Variants in VPS13B observed in about 807,000 individuals in gnomAD.
The protein encoded by VPS13B is intermembrane lipid transfer protein VPS13B.
VPS13B carries 285 observed loss-of-function variants against 426.4 expected under a neutral mutation model. The observed-to-expected ratio is 0.67, with a 90% CI of 0.61 to 0.74. The LOEUF (loss-of-function observed/expected upper bound fraction) is 0.74. Among genes scored for constraint, VPS13B ranks in the 30% least tolerant of loss-of-function variants. The pLI is 0.00. For synonymous variants in VPS13B, 1,676 were observed against 1,676.4 expected (o/e 1.00, Z 0.01); for missense variants, 4,537 against 4,782.6 (o/e 0.95, Z 1.51).
chr8:99,328,719 G>A (rs1308900792), intron 19 of VPS13B, among the ~76,000 whole-genome samples: 4 of 152,086 alleles, frequency 2.6e-5, no homozygotes, highest in South Asian at 2.1e-4. Context: ...AAATAAAGAA[G>A]CAGTTAATTT....
At chr8:99,870,231 C>T (rs979540290) in intron 59 of VPS13B, among the ~76,000 whole-genome samples, 7 of 152,122 alleles carry the variant, frequency 4.6e-5, no homozygotes, top group African/African-American at 1.7e-4. Context: ...TTCAGTGACA[C>T]AATCATAGCT....
chr8:99,069,624 G>A (rs1844751294), intron 3 of VPS13B, among the ~76,000 whole-genome samples: 1 of 152,098 alleles, frequency 6.6e-6, no homozygotes, highest in African/African-American at 2.4e-5. Flanking sequence ...TTTCACAGTA[G>A]GTTGATCTGA....
chr8:99,505,732 A>G (rs1821463897), intron 27 of VPS13B, among the ~76,000 whole-genome samples: 3 of 152,304 alleles, frequency 2.0e-5, no homozygotes, highest in Non-Finnish European at 2.9e-5. Context: ...ATATTGTTGG[A>G]AAAAACGCTG....
At chr8:99,735,606 T>C (rs1031439568) in intron 39 of VPS13B, among the ~76,000 whole-genome samples, 2 of 152,140 alleles carry the variant, frequency 1.3e-5, no homozygotes, top group Non-Finnish European at 2.9e-5. Context: ...GACACCTCAG[T>C]TTCAGACTTC....
intron 33 of VPS13B, among the ~76,000 whole-genome samples, chr8:99,620,640 C>T (rs1472804353): frequency 6.6e-6 from 1 of 151,980 alleles, no homozygotes; most frequent in Non-Finnish European, 1.5e-5. Flanking sequence ...GATCAGAAGA[C>T]ACCCCTCTCA....
In VPS13B at chr8:99,717,187, A is replaced by G. The variant is rs775127201; in HGVS notation, c.6471A>G (p.Ser2157=). ...TTTTTTCAGGCATAATTCTTGGGTC[A>G]TCATTTCTACTCAGTATAAACGATT... is the stretch of plus-strand genomic sequence containing the variant. The part of the protein sequence containing the change: ...TQKVPGIILG[S]SFLLSINDFL... Residue 2157 remains serine, a synonymous_variant, in exon 37 of 62, where the codon TCA becomes TCG. Coordinates refer to ENST00000357162, the MANE Select transcript of VPS13B (RefSeq NM_152564.5). 6.2e-7 allele frequency: 1 copy of G among 1,613,604 alleles called. No individual in the cohort carries two copies. The highest frequency in any genetic ancestry group is 8.5e-7 in the Non-Finnish European group (1 of 1,179,790).
chr8:99,471,015 G>C (rs1819374428), intron 24 of VPS13B, among the ~76,000 whole-genome samples: 1 of 152,046 alleles, frequency 6.6e-6, no homozygotes, highest in African/African-American at 2.4e-5. Context: ...CAATATTTTG[G>C]AAGTGCTAAC....
chr8:99,797,692 T>C (rs1332842555), intron 43 of VPS13B, among the ~76,000 whole-genome samples: 1 of 152,132 alleles, frequency 6.6e-6, no homozygotes, highest in African/African-American at 2.4e-5. Context: ...AATAGGAACA[T>C]GCTACAGGAG....
chr8:99,421,685 G>GTAT (rs1453559061), intron 21 of VPS13B, among the ~76,000 whole-genome samples: 1 of 151,854 alleles, frequency 6.6e-6, no homozygotes. Context: ...GCTAAACAGG[G>GTAT]TATTATTATT....
intron 35 of VPS13B, among the ~76,000 whole-genome samples, chr8:99,691,572 C>T (rs117856608): frequency 0.041 from 6,256 of 151,932 alleles, 142 homozygotes; most frequent in East Asian, 0.056. Flanking sequence ...AATACAGTGT[C>T]AGCCGCTGCA....
chr8:99,640,046 GAAGAGAAAAGAAAAGAAAAGAAA>G (rs1355468771), intron 33 of VPS13B, among the ~76,000 whole-genome samples: 43 of 72,776 alleles, frequency 5.9e-4, no homozygotes, highest in African/African-American at 1.0e-3. Context: ...AGAAGAAGAA[GAAGAGAAAAGAAAAGAAAAGAAA>G]AGAAAAGAAA....
intron 3 of VPS13B, among the ~76,000 whole-genome samples, chr8:99,083,482 T>C (rs1283384463): frequency 1.4e-3 from 214 of 151,310 alleles, no homozygotes; most frequent in African/African-American, 4.9e-3. Context: ...GGCCAGAACT[T>C]CCAACACTAT....
intron 21 of VPS13B, among the ~76,000 whole-genome samples, chr8:99,410,579 T>A (rs538897291): frequency 4.8e-4 from 73 of 151,768 alleles, no homozygotes; most frequent in African/African-American, 1.7e-3. Context: ...TATTTATTAT[T>A]ATAATTTAAG....
chr8:99,226,212 C>G (rs1037857069), intron 17 of VPS13B, among the ~76,000 whole-genome samples: 21 of 152,134 alleles, frequency 1.4e-4, no homozygotes, highest in Non-Finnish European at 2.8e-4. Context: ...TCTCTCATAC[C>G]TCCTTGCTGT....
chr8:99,791,164 T>C (rs770203879), intron 43 of VPS13B, among the ~76,000 whole-genome samples: 7 of 152,132 alleles, frequency 4.6e-5, no homozygotes, highest in Non-Finnish European at 1.0e-4. Context: ...TTTTGTGCAG[T>C]GTAACTCAAT....
intron 19 of VPS13B, among the ~76,000 whole-genome samples, chr8:99,371,971 G>T (rs917333080): frequency 2.0e-5 from 3 of 152,198 alleles, no homozygotes; most frequent in Admixed American, 1.3e-4. Flanking sequence ...AAGACTTCAT[G>T]ACTAAAACAC....
intron 7 of VPS13B, chr8:99,120,687 C>T (rs1379958290): frequency 1.3e-5 from 2 of 152,254 alleles, no homozygotes; most frequent in Non-Finnish European, 2.9e-5. Flanking sequence ...CTTGTTTGGG[C>T]AGGGGAGCAT....
intron 16 of VPS13B, among the ~76,000 whole-genome samples, chr8:99,172,444 A>G (rs1812392273): frequency 6.6e-6 from 1 of 152,092 alleles, no homozygotes; most frequent in Non-Finnish European, 1.5e-5. Context: ...AGATAAGATG[A>G]TATTGTCTCT....
chr8:99,866,647 A>G (rs1262412298), intron 58 of VPS13B, among the ~76,000 whole-genome samples: 2 of 152,256 alleles, frequency 1.3e-5, no homozygotes, highest in Non-Finnish European at 2.9e-5. Flanking sequence ...CATGTGCTGG[A>G]GCAGGTGGCT....
Sources: allele counts gnomAD v4.1 joint callset (sites outside exome capture counted in the v4.1 genomes callset), GRCh38; gene constraint gnomAD v4.1.1; transcripts MANE v1.5; gene names NCBI Gene and HGNC (gene_info 2026-07-23, HGNC 2026-07-21).